OPCML: variants seen among roughly 807,000 people sequenced by gnomAD.
OPCML encodes opioid binding protein/cell adhesion molecule like, also known as opioid-binding protein/cell adhesion molecule.
OPCML carries 13 observed loss-of-function variants against 37.8 expected under a neutral mutation model. That is an observed-to-expected ratio of 0.34 (90% CI 0.22 to 0.55). The LOEUF (loss-of-function observed/expected upper bound fraction) is 0.55, where lower values mean the gene tolerates loss of function less well. Among genes scored for constraint, OPCML ranks in the 20% least tolerant of loss-of-function variants. The probability of loss-of-function intolerance (pLI) is 0.91; values close to 1 mark genes in which losing one functional copy is unlikely to be tolerated. For synonymous variants in OPCML, 176 were observed against 168.8 expected, an observed-to-expected ratio of 1.04 and a Z score of -0.33; for missense variants, 341 against 435.6, an observed-to-expected ratio of 0.78 and a Z score of 1.93.
chr11:133,510,487 T>A (rs973428187), intron 1 of OPCML, among the ~76,000 whole-genome samples: 2 of 152,232 alleles, frequency 1.3e-5, no homozygotes, highest in Admixed American at 6.5e-5. Flanking sequence ...AAATCGTTTG[T>A]GGGCATAGAA....
chr11:132,691,340 C>A (rs1052841706), intron 2 of OPCML, among the ~76,000 whole-genome samples: 3 of 152,200 alleles, frequency 2.0e-5, no homozygotes, highest in African/African-American at 7.2e-5. Flanking sequence ...CTCCTGACAG[C>A]TCTCTGAACT....
chr11:133,100,280 G>A (rs907384680), intron 1 of OPCML, among the ~76,000 whole-genome samples: 7 of 152,036 alleles, frequency 4.6e-5, no homozygotes, highest in African/African-American at 9.7e-5. Flanking sequence ...TGCAATTTAC[G>A]CATGTAAAAA....
At position 132,500,395 on chromosome 11, in the gene OPCML, T is replaced by A. The variant is rs1592272144; in HGVS notation, c.505+28666A>T. On this transcript the variant is annotated intron_variant, in intron 4 of 7. Coordinates refer to ENST00000524381, the MANE Select transcript of OPCML (RefSeq NM_001012393.5). ...TTTAGTCAAAATTTGGAAACACTAC[T>A]CCAAGAGGATATGTAACTCCTGAAC... 2.0e-5 allele frequency among the ~76,000 whole-genome samples: 3 copies of A among 152,222 alleles called. No homozygotes were observed. The East Asian group carries it at 5.8e-4, about 29-fold the overall frequency.
chr11:133,210,957 A>G (rs1294114373), intron 1 of OPCML, among the ~76,000 whole-genome samples: 1 of 152,158 alleles, frequency 6.6e-6, no homozygotes, highest in Non-Finnish European at 1.5e-5. Context: ...ATTTTTGAAC[A>G]TTGCCATAAT....
At chr11:132,965,327 C>A (rs1946190448) in intron 1 of OPCML, among the ~76,000 whole-genome samples, 3 of 151,994 alleles carry the variant, frequency 2.0e-5, no homozygotes, top group Admixed American at 2.0e-4. Flanking sequence ...TGATAGAAAT[C>A]ACCAGTGAAG....
chr11:133,494,681 T>C (rs1320931274), intron 1 of OPCML, among the ~76,000 whole-genome samples: 1 of 120,386 alleles, frequency 8.3e-6, no homozygotes, highest in Non-Finnish European at 1.6e-5. Context: ...TGAGAACACA[T>C]GGACACAGGA....
intron 4 of OPCML, among the ~76,000 whole-genome samples, chr11:132,498,933 C>T (rs139582233): frequency 1.9e-3 from 288 of 152,314 alleles, no homozygotes; most frequent in African/African-American, 4.8e-3. Context: ...AGAAGTGGTA[C>T]GTGCTACACA....
intron 1 of OPCML, chr11:133,297,285 A>T (rs1942654242): frequency 6.6e-6 from 1 of 152,246 alleles, no homozygotes. Flanking sequence ...TTTTAAGCAA[A>T]GGGATGTTTA....
intron 1 of OPCML, among the ~76,000 whole-genome samples, chr11:133,407,739 G>C (rs988381372): frequency 6.6e-6 from 1 of 152,254 alleles, no homozygotes; most frequent in African/African-American, 2.4e-5. Context: ...ACTGTGGTCA[G>C]AGAGGAGGAG....
rs1946111148 is a variant in OPCML at position 132,962,335 on chromosome 11, C to T, written c.62-19325G>A. Among the ~76,000 whole-genome samples the T allele has an allele frequency of 2.6e-5, 4 of 152,182 alleles. No individual in the cohort carries two copies. In the South Asian group the frequency reaches 8.3e-4, roughly 32 times the overall value. On this transcript the variant is annotated intron_variant, in intron 1 of 7. Coordinates refer to ENST00000524381, the MANE Select transcript of OPCML (RefSeq NM_001012393.5). Reference sequence around the variant, plus strand: ...GGGCTCTCTCTGCCTGCTCACCCTCCCCCATCATGATGAAGACAGCATCTG... The same window carrying T: ...GGGCTCTCTCTGCCTGCTCACCCTCTCCCATCATGATGAAGACAGCATCTG...
In OPCML at chr11:132,657,185, A is replaced by G. The variant is rs1941751315; in HGVS notation, c.281T>C (p.Met94Thr). 6.2e-7 allele frequency: 1 copy of G among 1,614,254 alleles called. No individual in the cohort carries two copies. Among genetic ancestry groups the G allele is most frequent in the East Asian group, 2.2e-5 (1 of 44,874 alleles). Residue 94 changes from methionine (M) to threonine (T), a missense_variant, in exon 3 of 8, where the codon ATG becomes ACG. Transcript: ENST00000524381. ...LVNTPTQYSIMIQNVDVYDEG... is the reference protein window; with the variant it reads ...LVNTPTQYSITIQNVDVYDEG... ...GTCATACACATCCACATTTTGGATCATGATGCTGTACTGGGTTGGTGTATT... is the reference window on the plus strand; with the variant it reads ...GTCATACACATCCACATTTTGGATCGTGATGCTGTACTGGGTTGGTGTATT...
At chr11:133,042,308 T>C (rs967906668) in intron 1 of OPCML, among the ~76,000 whole-genome samples, 4 of 152,190 alleles carry the variant, frequency 2.6e-5, no homozygotes, top group Admixed American at 2.6e-4. Flanking sequence ...GCCTCGTGTG[T>C]ACGGAGTGAA....
At chr11:133,366,493 C>T (rs1944542925) in intron 1 of OPCML, among the ~76,000 whole-genome samples, 1 of 152,100 alleles carries the variant, frequency 6.6e-6, no homozygotes, top group Non-Finnish European at 1.5e-5. Context: ...AAAACAAAGG[C>T]TGGAATTATA....
intron 2 of OPCML, among the ~76,000 whole-genome samples, chr11:132,931,181 G>A (rs1257869609): frequency 6.6e-6 from 1 of 151,628 alleles, no homozygotes; most frequent in Non-Finnish European, 1.5e-5. Flanking sequence ...TGGATCACAG[G>A]CTTAAACATA....
chr11:133,051,995 G>A (rs1265466772), intron 1 of OPCML, among the ~76,000 whole-genome samples: 1 of 152,158 alleles, frequency 6.6e-6, no homozygotes, highest in Non-Finnish European at 1.5e-5. Context: ...ACAAAGCAAA[G>A]CTTCTTTAGA....
intron 4 of OPCML, among the ~76,000 whole-genome samples, chr11:132,479,369 G>A (rs2137004249): frequency 6.6e-6 from 1 of 152,330 alleles, no homozygotes; most frequent in South Asian, 2.1e-4. Context: ...GGCTCGGAGG[G>A]TCCTATGCCC....
At chr11:133,140,583 G>GA (rs1196498951) in intron 1 of OPCML, among the ~76,000 whole-genome samples, 1 of 118,646 alleles carries the variant, frequency 8.4e-6, no homozygotes, top group Non-Finnish European at 1.9e-5. Flanking sequence ...GAAGAAAGAA[G>GA]AAAAAAGAAA....
chr11:133,324,824 A>G (rs936443897), intron 1 of OPCML, among the ~76,000 whole-genome samples: 1 of 152,090 alleles, frequency 6.6e-6, no homozygotes, highest in Non-Finnish European at 1.5e-5. Flanking sequence ...ATATATTCAT[A>G]TGTGTGTGTG....
chr11:132,565,905 C>T (rs953055131), intron 3 of OPCML, among the ~76,000 whole-genome samples: 2 of 152,088 alleles, frequency 1.3e-5, no homozygotes, highest in East Asian at 1.9e-4. Flanking sequence ...TGGTGGCGGG[C>T]GCCTGCAGTC....
Sources: allele counts gnomAD v4.1 joint callset (sites outside exome capture counted in the v4.1 genomes callset), GRCh38; gene constraint gnomAD v4.1.1; transcripts MANE v1.5; gene names NCBI Gene and HGNC (gene_info 2026-07-23, HGNC 2026-07-21).